CHD9: variants seen among roughly 807,000 people sequenced by gnomAD.
The protein encoded by CHD9 is ATP-dependent chromatin remodeler CHD9.
CHD9 carries 77 observed loss-of-function variants against 316.1 expected under a neutral mutation model. That is an observed-to-expected ratio of 0.24 (90% CI 0.20 to 0.29). The LOEUF (loss-of-function observed/expected upper bound fraction) is 0.29, where lower values mean the gene tolerates loss of function less well. CHD9 is among the 10% of genes least tolerant of loss of function. The probability of loss-of-function intolerance (pLI) is 1.00; values close to 1 mark genes in which losing one functional copy is unlikely to be tolerated. For synonymous variants in CHD9, 1,129 were observed against 1,158.3 expected (o/e 0.97, Z 0.51); for missense variants, 2,763 against 3,438.1 (o/e 0.80, Z 4.91).
intron 1 of CHD9, among the ~76,000 whole-genome samples, chr16:53,146,439 T>TATATATATA (rs2040630800): frequency 2.2e-5 from 1 of 46,280 alleles, no homozygotes; most frequent in African/African-American, 9.6e-5. Flanking sequence ...ATATATATAA[T>TATATATATA]TAAAAAGTTC....
chr16:53,212,585 T>A (rs2046419271), intron 3 of CHD9, among the ~76,000 whole-genome samples: 1 of 152,194 alleles, frequency 6.6e-6, no homozygotes, highest in Non-Finnish European at 1.5e-5. Context: ...CTTTTCGTTG[T>A]CACTTTTACA....
chr16:53,212,262 A>G (rs62048056), intron 3 of CHD9, among the ~76,000 whole-genome samples: 47,660 of 151,818 alleles, frequency 0.31, 7,646 homozygotes, highest in Middle Eastern at 0.38. Flanking sequence ...AAAATTAGCC[A>G]GGCGTGGTGG....
In CHD9 at chr16:53,304,133, G is replaced by A; in HGVS notation, c.6127G>A (p.Glu2043Lys). Residue 2043 changes from glutamate (E) to lysine (K), a missense_variant, in exon 31 of 39, where the codon GAG becomes AAG. By Grantham distance (56) the Glu-to-Lys change is moderately conservative (BLOSUM62 1). Transcript: ENST00000447540. The stretch of plus-strand genomic sequence containing the variant: ...CCTAGATGCTAAAGGTATTATTCTA[G>A]AGGAGATGAAAGTTAAAAGTGAAAA... ...RLLDAKGIILEEMKVKSENLK... is the reference protein window; with the variant it reads ...RLLDAKGIILKEMKVKSENLK... 6.2e-7 allele frequency: 1 copy of A among 1,613,374 alleles called. No homozygotes were observed. Among genetic ancestry groups the A allele is most frequent in the Non-Finnish European group, 8.5e-7 (1 of 1,179,776 alleles).
intron 1 of CHD9, among the ~76,000 whole-genome samples, chr16:53,112,927 A>G (rs116280640): frequency 0.011 from 1,619 of 152,270 alleles, 36 homozygotes; most frequent in African/African-American, 0.038. Context: ...GCCTGAGTCT[A>G]GGAGGTCAAG....
At chr16:53,106,329 C>G (rs963951016) in intron 1 of CHD9, among the ~76,000 whole-genome samples, 3 of 152,190 alleles carry the variant, frequency 2.0e-5, no homozygotes, top group African/African-American at 7.2e-5. Context: ...ACCAGAAGTT[C>G]AGGCTTCAGA....
intron 19 of CHD9, among the ~76,000 whole-genome samples, chr16:53,259,433 C>T (rs997454417): frequency 4.6e-5 from 7 of 152,050 alleles, no homozygotes; most frequent in East Asian, 3.8e-4. Flanking sequence ...AAAAGTAACA[C>T]ACTTTAAAAT....
At chr16:53,232,803 A>G (rs1231792870) in intron 10 of CHD9, among the ~76,000 whole-genome samples, 1 of 131,062 alleles carries the variant, frequency 7.6e-6, no homozygotes, top group Admixed American at 7.3e-5. Context: ...TTCTTTAGCA[A>G]ACACCTGTAT....
intron 2 of CHD9, among the ~76,000 whole-genome samples, chr16:53,162,854 G>GGCTCATT (rs1474545436): frequency 2.7e-5 from 4 of 149,600 alleles, no homozygotes; most frequent in African/African-American, 9.9e-5. Context: ...GCGTGATCAT[G>GGCTCATT]GCTCATTGCA....
chr16:53,068,296 G>A (rs1194643052), intron 1 of CHD9, among the ~76,000 whole-genome samples: 4 of 152,124 alleles, frequency 2.6e-5, no homozygotes, highest in Admixed American at 2.6e-4. Flanking sequence ...AGTTCCTTCT[G>A]GATCTGACTC....
chr16:53,076,663 A>G (rs775759241), intron 1 of CHD9, among the ~76,000 whole-genome samples: 17 of 151,840 alleles, frequency 1.1e-4, no homozygotes, highest in Non-Finnish European at 2.1e-4. Flanking sequence ...AGTCCCAGCT[A>G]CTTGGGAGGC....
rs189875876 is a variant in CHD9, at chr16:53,136,940, C to T, written c.-164-18986C>T. Among the ~76,000 whole-genome samples, 4 of 151,992 alleles carry T rather than the reference C, an allele frequency of 2.6e-5. No individual in the cohort carries two copies. The East Asian group carries it at 7.7e-4, about 29-fold the overall frequency. ...TAAATGAAATCATATAATAAGTGTT[C>T]CTCGAGTAACATTATTTTTGTGAGA... On this transcript the variant is annotated intron_variant, in intron 1 of 38. Transcript: ENST00000447540.
chr16:53,144,276 A>G lies in CHD9; in HGVS notation c.-164-11650A>G, dbSNP rs578251063. ...GAATATAGAAAATAACCCAAAGTAT[A>G]GAGTATAAGACACCTTTACAAGCAT... On this transcript the variant is annotated intron_variant, in intron 1 of 38. Transcript: ENST00000447540. Among the ~76,000 whole-genome samples the G allele has an allele frequency of 3.3e-5, 5 of 152,324 alleles. No individual in the cohort carries two copies. In the East Asian group the frequency reaches 7.7e-4, roughly 24 times the overall value.
At chr16:53,176,250 G>A (rs978386857) in intron 2 of CHD9, among the ~76,000 whole-genome samples, 3 of 152,192 alleles carry the variant, frequency 2.0e-5, no homozygotes, top group Non-Finnish European at 4.4e-5. Flanking sequence ...GCACCATTCC[G>A]TCTTTAAATC....
At chr16:53,228,799 C>G (rs771264633) in intron 7 of CHD9, among the ~76,000 whole-genome samples, 184 bp from the exon 8 acceptor site, 2 of 152,016 alleles carry the variant, frequency 1.3e-5, no homozygotes, top group African/African-American at 2.4e-5. Context: ...ACTACGACCT[C>G]CTTAGCATAT....
rs148840001 is a variant in CHD9, at chr16:53,159,877, A to G, written c.1452+2336A>G. Among the ~76,000 whole-genome samples the G allele has an allele frequency of 2.2e-4, 33 of 152,262 alleles. No homozygotes were observed. The East Asian group carries it at 4.2e-3, about 20-fold the overall frequency. ...GGTGATCCACCGGCCTTGACCTCCC[A>G]AAGTACTGGCATTACAGGCGTGAGC... On this transcript the variant is annotated intron_variant, in intron 2 of 38. Transcript: ENST00000447540.
chr16:53,117,461 C>CTGTA, intron 1 of CHD9, among the ~76,000 whole-genome samples: 1 of 152,090 alleles, frequency 6.6e-6, no homozygotes, highest in Non-Finnish European at 1.5e-5. Flanking sequence ...GTTGCCTAGG[C>CTGTA]TGTAGTACAA....
At chr16:53,198,890 A>G (rs2152843048) in intron 2 of CHD9, among the ~76,000 whole-genome samples, 1 of 152,292 alleles carries the variant, frequency 6.6e-6, no homozygotes, top group South Asian at 2.1e-4. Flanking sequence ...TAAGTCTTTG[A>G]TAGCATGGAA....
chr16:53,116,708 G>A (rs1345514980), intron 1 of CHD9, among the ~76,000 whole-genome samples: 2 of 152,094 alleles, frequency 1.3e-5, no homozygotes, highest in African/African-American at 2.4e-5. Context: ...ATTTGACCCA[G>A]TAATCCCATT....
At chr16:53,058,954 C>T (rs1159424952) in intron 1 of CHD9, among the ~76,000 whole-genome samples, 1 of 152,124 alleles carries the variant, frequency 6.6e-6, no homozygotes, top group African/African-American at 2.4e-5. Context: ...ACCTCCTGAG[C>T]TCGAGGGATC....
Sources: gnomAD v4.1 joint callset for allele counts (sites outside exome capture counted in the v4.1 genomes callset) on GRCh38, gnomAD v4.1.1 for gene constraint, MANE v1.5 for transcripts, NCBI Gene and HGNC (gene_info 2026-07-23, HGNC 2026-07-21) for gene names.